FANCI: variants seen among roughly 807,000 people sequenced by gnomAD.
The protein encoded by FANCI is Fanconi anemia group I protein.
Under a neutral mutation model 176.1 loss-of-function variants are expected in FANCI, and 156 were observed. The observed-to-expected ratio is 0.89, with a 90% CI of 0.78 to 1.01. The LOEUF (loss-of-function observed/expected upper bound fraction) is 1.01, where lower values mean the gene tolerates loss of function less well. Ranked by LOEUF, FANCI falls within the 50% of genes least tolerant of loss-of-function variation. The pLI is 0.00. For missense variants in FANCI, 1,678 were observed against 1,534.1 expected, an observed-to-expected ratio of 1.09 and a Z score of -1.57; for synonymous variants, 613 against 541.7, an observed-to-expected ratio of 1.13 and a Z score of -1.83.
At chr15:89,304,434 G>A (rs994397365) in intron 28 of FANCI, among the ~76,000 whole-genome samples, 8 of 152,308 alleles carry the variant, frequency 5.3e-5, no homozygotes, top group Admixed American at 2.0e-4. Flanking sequence ...GTAGAATTCC[G>A]TTTAGATGAA....
At chr15:89,250,956 CAAG>C (rs1326745312) in intron 2 of FANCI, among the ~76,000 whole-genome samples, 4 of 151,052 alleles carry the variant, frequency 2.6e-5, no homozygotes, top group Admixed American at 2.0e-4. Flanking sequence ...CAAAAAAACA[CAAG>C]AAACTACTAA....
At chr15:89,285,254 C>T in intron 18 of FANCI, 36 bp downstream of exon 18, 1 of 1,611,792 alleles carries the variant, frequency 6.2e-7, no homozygotes, top group Non-Finnish European at 8.5e-7. Flanking sequence ...TAGCAAAACC[C>T]CAACTAATAA....
chr15:89,276,650 T>C lies in FANCI; in HGVS notation c.1113-61T>C, dbSNP rs1392224746. ...GGGAAATGTATAACAGGGCAATGAG[T>C]ATAAAGGTAAGAATATCTCACTAAG... On this transcript the variant is annotated intron_variant, in intron 12 of 37. Coordinates refer to ENST00000310775, the MANE Select transcript of FANCI (RefSeq NM_001113378.2). The C allele has an allele frequency of 2.5e-6, 4 of 1,577,746 alleles. No individual in the cohort carries two copies. In the East Asian group the frequency reaches 6.7e-5, roughly 26 times the overall value.
chr15:89,250,691 T>C (rs2052206314), intron 2 of FANCI, among the ~76,000 whole-genome samples: 2 of 150,202 alleles, frequency 1.3e-5, no homozygotes. Flanking sequence ...ACTTAAAGTA[T>C]AATAAAAATA....
At chr15:89,277,363 C>T (rs1345270019) in intron 13 of FANCI, among the ~76,000 whole-genome samples, 1 of 152,044 alleles carries the variant, frequency 6.6e-6, no homozygotes, top group Non-Finnish European at 1.5e-5. Flanking sequence ...AGCCTATAAT[C>T]CCAACACTTT....
chr15:89,257,723 T>C (rs2052557345), intron 2 of FANCI, among the ~76,000 whole-genome samples: 3 of 152,168 alleles, frequency 2.0e-5, no homozygotes, highest in Admixed American at 6.5e-5. Flanking sequence ...CTTCAACATA[T>C]GAAATTTGGG....
intron 37 of FANCI, among the ~76,000 whole-genome samples, chr15:89,315,891 G>GAAACA (rs2055224040): frequency 6.6e-6 from 1 of 152,110 alleles, no homozygotes; most frequent in Non-Finnish European, 1.5e-5. Context: ...AGAACCCAAT[G>GAAACA]TTTCCTTACT....
chr15:89,267,946 T>C (rs984383660), intron 9 of FANCI, among the ~76,000 whole-genome samples: 1 of 152,092 alleles, frequency 6.6e-6, no homozygotes, highest in East Asian at 1.9e-4. Context: ...GATGGATAGA[T>C]AGATAGACAG....
intron 32 of FANCI, 68 bp downstream of exon 32, chr15:89,306,262 G>A: frequency 1.3e-6 from 2 of 1,493,072 alleles, no homozygotes; most frequent in Non-Finnish European, 1.9e-6. Flanking sequence ...TGAGGATGGG[G>A]CAGCAGCCCA....
chr15:89,310,259 G>A (rs1283493096), intron 34 of FANCI, among the ~76,000 whole-genome samples: 1 of 152,196 alleles, frequency 6.6e-6, no homozygotes, highest in Non-Finnish European at 1.5e-5. Flanking sequence ...AAACGAGCAT[G>A]GCTATGTTCC....
intron 35 of FANCI, among the ~76,000 whole-genome samples, chr15:89,313,920 C>G (rs748361265): frequency 3.3e-5 from 5 of 150,770 alleles, no homozygotes; most frequent in African/African-American, 1.2e-4. Context: ...CACACACACA[C>G]ACACACGTAG....
At chr15:89,273,226 C>T (rs553508408) in intron 10 of FANCI, 151 bp from the exon 11 acceptor site, 6 of 576,262 alleles carry the variant, frequency 1.0e-5, no homozygotes, top group Non-Finnish European at 1.9e-5. Flanking sequence ...ATCCGTTGAG[C>T]CTGGGAAATC....
intron 14 of FANCI, 64 bp from the exon 15 acceptor site, chr15:89,281,106 T>G (rs953161717): frequency 8.6e-5 from 133 of 1,545,134 alleles, no homozygotes; most frequent in Non-Finnish European, 1.1e-4. Context: ...TTTCTCCGTA[T>G]TTTTCTTTTA....
intron 34 of FANCI, among the ~76,000 whole-genome samples, chr15:89,312,093 A>C (rs1325788957): frequency 3.9e-5 from 6 of 152,198 alleles, no homozygotes; most frequent in Non-Finnish European, 5.9e-5. Context: ...TTGCACATAA[A>C]ATATATCTGG....
Position 89,292,731 on chromosome 15 carries a change from AG to A in FANCI, c.2037del (p.Asn680IlefsTer23). ...CCIQHCLAWY[K>X]NTVIPLQQGE... Reference sequence around the variant, plus strand: ...ATTCAGCATTGTTTGGCCTGGTATAAGAATACAGTCATACCCTTACAGCAGG... The same window carrying A: ...ATTCAGCATTGTTTGGCCTGGTATAAAATACAGTCATACCCTTACAGCAGG... On this transcript the variant is annotated frameshift_variant, in exon 21 of 38. Coordinates refer to ENST00000310775, the MANE Select transcript of FANCI (RefSeq NM_001113378.2). LOFTEE classifies it high-confidence loss of function. 2 of 1,613,932 alleles carry A rather than the reference AG, an allele frequency of 1.2e-6. No homozygotes were observed. Among genetic ancestry groups the A allele is most frequent in the Non-Finnish European group, 1.7e-6 (2 of 1,179,984 alleles).
At position 89,305,607 on chromosome 15, in the gene FANCI, A is replaced by G. The variant is rs1384067931; in HGVS notation, c.3258A>G (p.Leu1086=). 1 of 1,614,062 alleles carries G rather than the reference A, an allele frequency of 6.2e-7. No individual in the cohort carries two copies. The highest frequency in any genetic ancestry group is 1.1e-5 in the South Asian group (1 of 91,078). The change falls in exon 31 of 38, where the codon TTA becomes TTG. Residue 1086 remains leucine, a splice_region_variant and synonymous_variant. Transcript: ENST00000310775. ...CACCAGGCACTCTTTTCTTTCAGTT[A>G]CTTGTTCTGAGTCAGGCCGAGAAGG... The part of the protein sequence containing the change: ...NLRTAAPTVC[L]LVLSQAEKVL...
At chr15:89,259,479 A>G (rs1387228962) in intron 3 of FANCI, 5 of 152,546 alleles carry the variant, frequency 3.3e-5, no homozygotes, top group Admixed American at 6.5e-5. Flanking sequence ...ATCAGAGAAA[A>G]GGAAATAATT....
At chr15:89,254,481 T>G (rs2052409305) in intron 2 of FANCI, among the ~76,000 whole-genome samples, 1 of 152,160 alleles carries the variant, frequency 6.6e-6, no homozygotes, top group African/African-American at 2.4e-5. Context: ...TATTTGAGCA[T>G]CAAAATAAGT....
chr15:89,246,762 TC>T (rs376526522), intron 1 of FANCI, among the ~76,000 whole-genome samples: 40 of 123,290 alleles, frequency 3.2e-4, no homozygotes, highest in African/African-American at 1.3e-3. Context: ...TTTCTTCCTT[TC>T]TTTTTTTTTT....
Sources: gnomAD v4.1 joint callset for allele counts (sites outside exome capture counted in the v4.1 genomes callset) on GRCh38, gnomAD v4.1.1 for gene constraint, MANE v1.5 for transcripts, NCBI Gene and HGNC (gene_info 2026-07-23, HGNC 2026-07-21) for gene names.